Variants in CNGB3 observed in about 807,000 individuals in gnomAD.
The protein encoded by CNGB3 is cyclic nucleotide gated channel subunit beta 3, also known as cyclic nucleotide-gated channel beta-3.
In CNGB3, 86 loss-of-function variants were observed where a neutral mutation model predicts 92.8. That is an observed-to-expected ratio of 0.93 (90% CI 0.78 to 1.11). The LOEUF (loss-of-function observed/expected upper bound fraction) is 1.11, where lower values mean the gene tolerates loss of function less well. Among genes scored for constraint, CNGB3 ranks in the 50% least tolerant of loss-of-function variants. The pLI is 0.00. For synonymous variants in CNGB3, 333 were observed against 332.7 expected, an observed-to-expected ratio of 1.00 and a Z score of -0.01; for missense variants, 1,026 against 956.8, an observed-to-expected ratio of 1.07 and a Z score of -0.95.
intron 7 of CNGB3, among the ~76,000 whole-genome samples, chr8:86,651,920 A>G (rs192957123): frequency 2.5e-4 from 38 of 152,048 alleles, no homozygotes; most frequent in Admixed American, 1.2e-3. Context: ...TGAGAAATGC[A>G]TTGTTAGGTG....
At chr8:86,631,723 C>T (rs1227041648) in intron 11 of CNGB3, among the ~76,000 whole-genome samples, 3 of 152,112 alleles carry the variant, frequency 2.0e-5, no homozygotes, top group Non-Finnish European at 2.9e-5. Flanking sequence ...GTTCATCTTC[C>T]TAAACCTAAA....
intron 3 of CNGB3, among the ~76,000 whole-genome samples, chr8:86,709,638 T>G (rs758835540): frequency 7.2e-5 from 11 of 152,130 alleles, no homozygotes; most frequent in Non-Finnish European, 1.3e-4. Context: ...AAGTTCTCAG[T>G]TTTATGTTTT....
At chr8:86,703,522 TCTAGTGGACCGGCA>T (rs1398739478) in intron 3 of CNGB3, among the ~76,000 whole-genome samples, 2 of 152,228 alleles carry the variant, frequency 1.3e-5, no homozygotes, top group Non-Finnish European at 2.9e-5. Context: ...CTGCATGATG[TCTAGTGGACCGGCA>T]CTAGAGGGCA....
chr8:86,684,753 G>A (rs771913388), intron 3 of CNGB3, among the ~76,000 whole-genome samples: 7 of 151,624 alleles, frequency 4.6e-5, no homozygotes, highest in Non-Finnish European at 7.4e-5. Context: ...TAAAGACTAT[G>A]TACTGTGTGA....
rs1027817115 is a variant in CNGB3 at position 86,575,723 on chromosome 8, TC to T, written c.*80del. 21 of 1,314,704 alleles carry T rather than the reference TC, an allele frequency of 1.6e-5. No homozygotes were observed. Among genetic ancestry groups the T allele is most frequent in the Non-Finnish European group, 2.1e-5 (19 of 924,976 alleles). 81.4% of individuals were successfully genotyped at this position (1,314,704 alleles called of 1,614,324 possible). ...TTCTCAAGGGTCCCAGCATGTCGTT[TC>T]CCCTCGTTAATTTAAGTTACAATCC... On this transcript the variant is annotated 3_prime_UTR_variant, in exon 18 of 18. Transcript: ENST00000320005.
At chr8:86,730,265 CA>C (rs1825135911) in intron 2 of CNGB3, among the ~76,000 whole-genome samples, 1 of 152,204 alleles carries the variant, frequency 6.6e-6, no homozygotes, top group African/African-American at 2.4e-5. Context: ...TAACCTTCCA[CA>C]TTTTATCAGT....
At position 86,719,614 on chromosome 8, in the gene CNGB3, A is replaced by G. The variant is rs191785647; in HGVS notation, c.338+6917T>C. ...CAGTGTAATTCCTGTCAAAAATACC[A>G]CCATCATTCTTCACAGAACTAGAAA... On this transcript the variant is annotated intron_variant, in intron 3 of 17. Coordinates refer to ENST00000320005, the MANE Select transcript of CNGB3 (RefSeq NM_019098.5). 2.2e-3 allele frequency among the ~76,000 whole-genome samples: 334 copies of G among 152,262 alleles called. 2 individuals carry two copies. The highest frequency in any genetic ancestry group is 4.0e-3 in the Non-Finnish European group (275 of 68,014).
At chr8:86,710,700 GAC>G (rs1824734412) in intron 3 of CNGB3, among the ~76,000 whole-genome samples, 1 of 151,838 alleles carries the variant, frequency 6.6e-6, no homozygotes, top group Non-Finnish European at 1.5e-5. Flanking sequence ...AATCCTGTCA[GAC>G]AAAAAATACC....
chr8:86,632,631 AAGTT>A (rs754375719), intron 11 of CNGB3, 117 bp downstream of exon 11: 42 of 1,015,352 alleles, frequency 4.1e-5, no homozygotes, highest in Non-Finnish European at 4.9e-5. Context: ...AAATAGAAGA[AAGTT>A]AGTTCAAAAA....
Position 86,626,045 on chromosome 8 carries a change from C to A in CNGB3, c.1516G>T (p.Val506Phe). Residue 506 changes from valine to phenylalanine, a missense_variant, in exon 13 of 18, where the codon GTC (valine) becomes TTC (phenylalanine). Val to Phe is a conservative substitution (Grantham distance 50, BLOSUM62 -1). Transcript: ENST00000320005. ...SDLLKTLPTTVQLALAIDVNF... is the reference protein window; with the variant it reads ...SDLLKTLPTTFQLALAIDVNF... ...ACATCAATGGCGAGGGCTAACTGGA[C>A]CGTAGTTGGTAGGGTCTTAAGCAAA... 6.2e-7 allele frequency: 1 copy of A among 1,613,706 alleles called. No homozygotes were observed. Among genetic ancestry groups the A allele is most frequent in the South Asian group, 1.1e-5 (1 of 91,056 alleles).
chr8:86,623,216 C>G (rs997054686), intron 13 of CNGB3, among the ~76,000 whole-genome samples: 3 of 152,124 alleles, frequency 2.0e-5, no homozygotes, highest in South Asian at 4.1e-4. Context: ...GCTTGGACGT[C>G]TCCCCCGAAC....
intron 3 of CNGB3, among the ~76,000 whole-genome samples, chr8:86,695,324 G>A (rs1824429396): frequency 6.7e-6 from 1 of 149,054 alleles, no homozygotes; most frequent in Non-Finnish European, 1.5e-5. Context: ...GAGGGGGAGA[G>A]GGAGAGGGAG....
chr8:86,644,719 T>C (rs753432214), intron 8 of CNGB3, 33 bp from the exon 9 acceptor site: 2 of 1,391,646 alleles, frequency 1.4e-6, no homozygotes, highest in East Asian at 2.4e-5. Context: ...TCCAAAAGCA[T>C]GTTAGTCTTA....
chr8:86,724,676 G>A (rs563756695), intron 3 of CNGB3, among the ~76,000 whole-genome samples: 32 of 152,136 alleles, frequency 2.1e-4, no homozygotes, highest in African/African-American at 7.7e-4. Flanking sequence ...TCTTATAATA[G>A]GGGCACATAG....
At chr8:86,601,720 C>T (rs562379815) in intron 15 of CNGB3, among the ~76,000 whole-genome samples, 89 of 152,188 alleles carry the variant, frequency 5.8e-4, no homozygotes, top group African/African-American at 2.0e-3. Flanking sequence ...CAGCTGTGGG[C>T]CTGTGAAGCC....
chr8:86,648,878 A>G (rs1001055791), intron 7 of CNGB3, among the ~76,000 whole-genome samples: 5 of 151,460 alleles, frequency 3.3e-5, no homozygotes, highest in Non-Finnish European at 5.9e-5. Flanking sequence ...CTGTTCGCTG[A>G]TGATATGATC....
At chr8:86,737,667 T>C (rs911026090) in intron 2 of CNGB3, among the ~76,000 whole-genome samples, 1 of 152,314 alleles carries the variant, frequency 6.6e-6, no homozygotes, top group South Asian at 2.1e-4. Context: ...GGGTTTGGTA[T>C]ACAGATTATT....
chr8:86,695,061 A>G (rs1045481115), intron 3 of CNGB3, among the ~76,000 whole-genome samples: 4 of 152,222 alleles, frequency 2.6e-5, no homozygotes, highest in Non-Finnish European at 4.4e-5. Flanking sequence ...TCGGGAGGCC[A>G]AGGCTGGCGG....
intron 6 of CNGB3, among the ~76,000 whole-genome samples, 187 bp from the exon 7 acceptor site, chr8:86,654,249 G>A (rs546958564): frequency 6.6e-6 from 1 of 152,040 alleles, no homozygotes; most frequent in South Asian, 2.1e-4. Flanking sequence ...TTGCCCTATT[G>A]TTTGCCACAA....
Sources: allele counts gnomAD v4.1 joint callset (sites outside exome capture counted in the v4.1 genomes callset), GRCh38; gene constraint gnomAD v4.1.1; transcripts MANE v1.5; gene names NCBI Gene and HGNC (gene_info 2026-07-23, HGNC 2026-07-21).